SLC30A5: variants seen among roughly 807,000 people sequenced by gnomAD.
SLC30A5 encodes the protein proton-coupled zinc antiporter SLC30A5.
Under a neutral mutation model 79.6 loss-of-function variants are expected in SLC30A5, and 33 were observed. That is an observed-to-expected ratio of 0.41 (90% CI 0.31 to 0.55). SLC30A5 has a LOEUF of 0.55. Among genes scored for constraint, SLC30A5 ranks in the 20% least tolerant of loss-of-function variants. The pLI is 0.20. For missense variants in SLC30A5, 788 were observed against 928.1 expected (o/e 0.85, Z 1.96); for synonymous variants, 299 against 319.7 (o/e 0.94, Z 0.69).
At position 69,115,914 on chromosome 5, in the gene SLC30A5, T is replaced by C. The variant is rs1373707309; in HGVS notation, c.784-12T>C. On this transcript the variant is annotated splice_polypyrimidine_tract_variant and intron_variant, in intron 8 of 15. Coordinates refer to ENST00000396591, the MANE Select transcript of SLC30A5 (RefSeq NM_022902.5). ...ATGTATAGTCTTGACAATTCTTTTT[T>C]TTAATTTCTAGAGTAAAGTGGAGTC... The C allele has an allele frequency of 6.3e-7, 1 of 1,587,372 alleles. No homozygotes were observed.
chr5:69,097,109 C>CTTTTTTTTTT (rs1228027917), intron 1 of SLC30A5, among the ~76,000 whole-genome samples: 78 of 87,948 alleles, frequency 8.9e-4, no homozygotes, highest in South Asian at 1.6e-3. Flanking sequence ...CTCTCTTTTT[C>CTTTTTTTTTT]TTTTTTTTTT....
chr5:69,100,453 G>C (rs1470356117), intron 1 of SLC30A5, among the ~76,000 whole-genome samples: 1 of 152,026 alleles, frequency 6.6e-6, no homozygotes, highest in Non-Finnish European at 1.5e-5. Flanking sequence ...GCGGAGGCTG[G>C]TCTCAAGCTA....
chr5:69,125,929 A>C (rs1746676242), intron 14 of SLC30A5, among the ~76,000 whole-genome samples: 1 of 149,868 alleles, frequency 6.7e-6, no homozygotes. Flanking sequence ...CACACCTGTA[A>C]TCCCAACTAC....
In SLC30A5 at chr5:69,129,890, T is replaced by C. The variant is rs140885117; in HGVS notation, c.*273T>C. On this transcript the variant is annotated 3_prime_UTR_variant, in exon 16 of 16. Coordinates refer to ENST00000396591, the MANE Select transcript of SLC30A5 (RefSeq NM_022902.5). Reference sequence around the variant, plus strand: ...CATCTTCAAAAATAGATATGATGGATTCTAGTGAAGACCAAAATTACTTCT... The same window carrying C: ...CATCTTCAAAAATAGATATGATGGACTCTAGTGAAGACCAAAATTACTTCT... The C allele has an allele frequency of 4.3e-3, 986 of 229,812 alleles. 8 individuals carry two copies. Among genetic ancestry groups the C allele is most frequent in the African/African-American group, 0.021 (947 of 44,420 alleles). 14.2% of individuals were successfully genotyped at this position (229,812 alleles called of 1,614,324 possible).
At chr5:69,128,305 G>GC in intron 15 of SLC30A5, among the ~76,000 whole-genome samples, 173 bp downstream of exon 15, 2 of 143,742 alleles carry the variant, frequency 1.4e-5, no homozygotes, top group South Asian at 4.4e-4. Flanking sequence ...AGGCTGGAGT[G>GC]CAGTGGCGTG....
rs1363204128 is a variant in SLC30A5, at chr5:69,130,891, A to G, written c.*1274A>G. The stretch of plus-strand genomic sequence containing the variant: ...GTAGATTGAATTTAGTATGAGTACT[A>G]TTTTCTTATATATACCACAATGGCA... On this transcript the variant is annotated 3_prime_UTR_variant, in exon 16 of 16. Transcript: ENST00000396591. 6.6e-6 allele frequency: 1 copy of G among 152,108 alleles called. No individual in the cohort carries two copies. Among genetic ancestry groups the G allele is most frequent in the Non-Finnish European group, 1.5e-5 (1 of 68,004 alleles). 9.4% of individuals were successfully genotyped at this position (152,108 alleles called of 1,614,324 possible). A position where few individuals can be genotyped will look rare whatever the true frequency, so the allele number is the denominator to read the frequency against.
intron 10 of SLC30A5, among the ~76,000 whole-genome samples, chr5:69,117,003 T>G (rs373421256): frequency 6.6e-6 from 1 of 152,266 alleles, no homozygotes; most frequent in South Asian, 2.1e-4. Flanking sequence ...AAAACCATTT[T>G]TAAATAGTTT....
In SLC30A5 at chr5:69,116,432, A is replaced by G. The variant is rs774887531; in HGVS notation, c.1111A>G (p.Lys371Glu). ...ILSSPSKRGQ[K>E]GTLIGYSPEG... is the part of the protein sequence containing the mutation. ...ATCATCTCCCTCTAAGAGAGGACAA[A>G]AAGGTACCCTTATTGGATATTCTCC... Residue 371 changes from lysine (K) to glutamate (E), a missense_variant, in exon 10 of 16, where the codon AAA becomes GAA. Physicochemically the swap from Lys to Glu is moderately conservative, Grantham distance 56 (BLOSUM62 1). Around this residue, in one of 3 missense-constraint regions of SLC30A5, gnomAD observed 626 missense variants for 755.5 expected, o/e 0.83. Transcript: ENST00000396591. The surrounding 1 kb of genome is among the most constrained non-coding windows in gnomAD (Gnocchi z 4.0). The G allele has an allele frequency of 6.2e-7, 1 of 1,608,492 alleles. No homozygotes were observed. The highest frequency in any genetic ancestry group is 1.1e-5 in the South Asian group (1 of 89,736).
chr5:69,115,459 G>T, intron 8 of SLC30A5, 52 bp downstream of exon 8: 1 of 1,431,766 alleles, frequency 7.0e-7, no homozygotes, highest in Non-Finnish European at 9.5e-7. Context: ...AAAATGAATT[G>T]CTATTAAATT....
intron 1 of SLC30A5, among the ~76,000 whole-genome samples, chr5:69,096,048 G>C (rs62371185): frequency 2.2e-3 from 339 of 152,222 alleles, no homozygotes; most frequent in Middle Eastern, 0.01. Flanking sequence ...CAGCCTGGGT[G>C]ACAGAGCGAG....
In SLC30A5 at chr5:69,103,812, T is replaced by C. The variant is rs1746001351; in HGVS notation, c.273+684T>C. 11 of 595,144 alleles carry C rather than the reference T, an allele frequency of 1.8e-5. No homozygotes were observed. In the South Asian group the frequency reaches 2.1e-4, roughly 11 times the overall value. 36.9% of individuals were successfully genotyped at this position (595,144 alleles called of 1,614,324 possible). A position where few individuals can be genotyped will look rare whatever the true frequency, so the allele number is the denominator to read the frequency against. ...TGGGCAGCAGTTATACCATAGTACA[T>C]GTTTGCTTTATGCCATGACTTACAA... On this transcript the variant is annotated intron_variant, in intron 3 of 15. Coordinates refer to ENST00000396591, the MANE Select transcript of SLC30A5 (RefSeq NM_022902.5).
At chr5:69,111,579 C>T (rs1015503178) in intron 5 of SLC30A5, among the ~76,000 whole-genome samples, 1 of 152,184 alleles carries the variant, frequency 6.6e-6, no homozygotes, top group African/African-American at 2.4e-5. Flanking sequence ...GCTGGGATTA[C>T]AGGCGTGAGC....
intron 1 of SLC30A5, among the ~76,000 whole-genome samples, chr5:69,097,103 C>G (rs1160368573): frequency 8.0e-6 from 1 of 124,578 alleles, no homozygotes; most frequent in Non-Finnish European, 1.6e-5. Context: ...CCCTTCCTCT[C>G]TTTTTCTTTT....
intron 11 of SLC30A5, among the ~76,000 whole-genome samples, chr5:69,118,170 C>A: frequency 8.3e-6 from 1 of 120,672 alleles, no homozygotes. Context: ...GAGCAAGACT[C>A]TGTCTCAAAA....
rs558343812 is a variant in SLC30A5, at chr5:69,121,871, G to A, written c.1747G>A (p.Gly583Arg). ...TGGTCACAGCCACGGATCTGCGGGT[G>A]GAGGCATGAATGCTAACATGAGGGG... ...GHGHSHGSAG[G>R]GMNANMRGVF... The change falls in exon 13 of 16, where the codon GGA becomes AGA. Residue 583 changes from glycine to arginine, a missense_variant. Gly to Arg is a moderately radical substitution (Grantham distance 125). This residue lies in a region of SLC30A5 where 626 missense variants were observed against 755.5 expected (regional missense o/e 0.83). Transcript: ENST00000396591. 8 of 1,613,606 alleles carry A rather than the reference G, an allele frequency of 5.0e-6. No homozygotes were observed. In the African/African-American group the frequency reaches 9.3e-5, roughly 19 times the overall value.
chr5:69,107,890 G>A (rs1257140697), intron 4 of SLC30A5, among the ~76,000 whole-genome samples: 2 of 152,022 alleles, frequency 1.3e-5, no homozygotes, highest in Admixed American at 6.6e-5. Context: ...GTGCCACCAC[G>A]CCCAGCCAAT....
At chr5:69,109,050 T>G (rs557182874) in intron 5 of SLC30A5, among the ~76,000 whole-genome samples, 1 of 152,218 alleles carries the variant, frequency 6.6e-6, no homozygotes, top group African/African-American at 2.4e-5. Context: ...CCCTCACCCT[T>G]CATTTAGTTT....
chr5:69,123,162 C>A, intron 13 of SLC30A5, 37 bp from the exon 14 acceptor site: 1 of 1,426,360 alleles, frequency 7.0e-7, no homozygotes, highest in Non-Finnish European at 9.7e-7. Context: ...ATTAGATGTG[C>A]CTTAATTTTT....
intron 8 of SLC30A5, 109 bp from the exon 9 acceptor site, chr5:69,115,817 C>A: frequency 2.2e-6 from 2 of 899,822 alleles, no homozygotes; most frequent in Non-Finnish European, 3.4e-6. Flanking sequence ...TATTATGAAT[C>A]ATATTGAATC....
Sources: gnomAD v4.1 joint callset for allele counts (sites outside exome capture counted in the v4.1 genomes callset) on GRCh38, gnomAD v4.1.1 for gene constraint, gnomAD v4.1.1 regional missense constraint, Gnocchi (gnomAD v3.1) non-coding constraint, MANE v1.5 for transcripts, NCBI Gene and HGNC (gene_info 2026-07-23, HGNC 2026-07-21) for gene names.